CENPE: variants seen among roughly 807,000 people sequenced by gnomAD.
CENPE encodes the protein centromere-associated protein E.
A neutral mutation model predicts 336.1 loss-of-function variants in CENPE; 145 were observed. The observed-to-expected ratio is 0.43, with a 90% CI of 0.38 to 0.50. CENPE has a LOEUF of 0.50. CENPE is among the 20% of genes least tolerant of loss of function. The pLI, the probability that CENPE is intolerant of heterozygous loss-of-function variation, is 0.00. For synonymous variants in CENPE, 1,013 were observed against 984.8 expected, an observed-to-expected ratio of 1.03 and a Z score of -0.54; for missense variants, 2,719 against 3,023.3, an observed-to-expected ratio of 0.90 and a Z score of 2.36.
At chr4:103,163,094 A>G (rs1560648065) in intron 18 of CENPE, 43 bp downstream of exon 18, 1 of 1,548,986 alleles carries the variant, frequency 6.5e-7, no homozygotes, top group Non-Finnish European at 8.8e-7. Flanking sequence ...GGTATGCTAT[A>G]TATATTTATG....
chr4:103,152,300 A>G (rs1358960784), intron 25 of CENPE, among the ~76,000 whole-genome samples: 2 of 152,172 alleles, frequency 1.3e-5, no homozygotes, highest in Non-Finnish European at 2.9e-5. Flanking sequence ...TCATTAGGGA[A>G]AGGCAAATTA....
intron 8 of CENPE, among the ~76,000 whole-genome samples, chr4:103,187,434 A>G (rs1176903470): frequency 3.9e-5 from 6 of 152,226 alleles, no homozygotes; most frequent in African/African-American, 1.4e-4. Flanking sequence ...AGCCCATCAG[A>G]CTAACAGCTG....
chr4:103,144,944 C>T, intron 32 of CENPE, 106 bp downstream of exon 32: 1 of 1,035,726 alleles, frequency 9.7e-7, no homozygotes, highest in Non-Finnish European at 1.3e-6. Context: ...ATTTCCGGTC[C>T]CTTTATGATT....
chr4:103,125,927 A>G (rs557649534), intron 42 of CENPE, among the ~76,000 whole-genome samples: 1 of 152,206 alleles, frequency 6.6e-6, no homozygotes, highest in East Asian at 1.9e-4. Context: ...AAATGAAAAA[A>G]ATCCACAACT....
intron 8 of CENPE, 87 bp from the exon 9 acceptor site, chr4:103,185,948 G>A (rs1227272811): frequency 3.6e-6 from 3 of 840,918 alleles, no homozygotes; most frequent in Non-Finnish European, 5.9e-6. Flanking sequence ...TTAATACATG[G>A]TATATCTGAA....
In CENPE at chr4:103,145,949, T is replaced by C; in HGVS notation, c.4293A>G (p.Gln1431=). The part of the protein sequence containing the change: ...IEMLGLSKRL[Q]ESHDEMKSVA... ...CAGATTTCATTTCATCATGACTTTC[T>C]TGAAGTCTTTTGGACAATCCGAGCA... The change falls in exon 30 of 49, where the codon CAA becomes CAG. Residue 1431 remains glutamine (Q), a synonymous_variant. Transcript: ENST00000265148. 1 of 1,614,022 alleles carries C rather than the reference T, an allele frequency of 6.2e-7. No individual in the cohort carries two copies.
chr4:103,163,420 T>C, intron 17 of CENPE, 59 bp downstream of exon 17: 1 of 1,310,712 alleles, frequency 7.6e-7, no homozygotes, highest in Non-Finnish European at 1.1e-6. Flanking sequence ...CAGTTACATA[T>C]GTTGCATGTT....
Position 103,163,553 on chromosome 4 carries a change from T to A in CENPE, c.1648A>T (p.Met550Leu). 1.3e-6 allele frequency: 2 copies of A among 1,556,062 alleles called. No individual in the cohort carries two copies. Among genetic ancestry groups the A allele is most frequent in the African/African-American group, 1.4e-5 (1 of 70,856 alleles). Residue 550 changes from methionine to leucine, a missense_variant and splice_region_variant, in exon 17 of 49, where the codon ATG becomes TTG. Coordinates refer to ENST00000265148, the MANE Select transcript of CENPE (RefSeq NM_001813.3). ...LERKTKKDQE[M>L]QLIHEISNLK... ...TTCGAAATTTCATGAATTAGTTGCA[T>A]CTGTAAGAGCATGTGAACAGGTAAC...
chr4:103,193,647 G>A (rs958367763), intron 8 of CENPE, among the ~76,000 whole-genome samples: 4 of 152,046 alleles, frequency 2.6e-5, no homozygotes, highest in Admixed American at 1.3e-4. Context: ...GCATATATTC[G>A]CTTATTCAGC....
chr4:103,166,358 A>G (rs1246734943), intron 16 of CENPE, among the ~76,000 whole-genome samples: 2 of 152,148 alleles, frequency 1.3e-5, no homozygotes, highest in Non-Finnish European at 2.9e-5. Context: ...CACTCTAGAG[A>G]CCATGTTCTT....
At chr4:103,151,423 A>G in intron 25 of CENPE, 46 bp from the exon 26 acceptor site, 1 of 1,367,050 alleles carries the variant, frequency 7.3e-7, no homozygotes, top group East Asian at 2.5e-5. Flanking sequence ...ATTAGCTAAC[A>G]TTTATGAAAT....
intron 26 of CENPE, among the ~76,000 whole-genome samples, chr4:103,150,507 C>CA (rs1467560716): frequency 6.6e-6 from 1 of 151,812 alleles, no homozygotes; most frequent in Non-Finnish European, 1.5e-5. Flanking sequence ...AGCCTGAACC[C>CA]AGGGGGGGTT....
intron 14 of CENPE, 118 bp downstream of exon 14, chr4:103,176,781 C>A: frequency 1.4e-6 from 1 of 707,938 alleles, no homozygotes; most frequent in Non-Finnish European, 2.1e-6. Flanking sequence ...ATTGTAATCA[C>A]ATATGAAATA....
At chr4:103,170,713 G>A (rs1755328593) in intron 16 of CENPE, among the ~76,000 whole-genome samples, 2 of 152,138 alleles carry the variant, frequency 1.3e-5, no homozygotes, top group South Asian at 4.1e-4. Context: ...ACCTATCAAT[G>A]TAAATGGACT....
chr4:103,172,970 A>G (rs960601971), intron 16 of CENPE, among the ~76,000 whole-genome samples: 19 of 152,048 alleles, frequency 1.2e-4, no homozygotes, highest in Non-Finnish European at 2.1e-4. Context: ...ATCTATCAAA[A>G]CACCAAAGAC....
chr4:103,171,222 C>T (rs906790207), intron 16 of CENPE, among the ~76,000 whole-genome samples: 3 of 152,044 alleles, frequency 2.0e-5, no homozygotes, highest in Non-Finnish European at 4.4e-5. Flanking sequence ...CTGCAGAAAA[C>T]ACATTCTTAT....
At chr4:103,189,022 C>T (rs1373737387) in intron 8 of CENPE, among the ~76,000 whole-genome samples, 1 of 152,154 alleles carries the variant, frequency 6.6e-6, no homozygotes, top group Non-Finnish European at 1.5e-5. Context: ...CACCTCTATG[C>T]AAATAAACTA....
chr4:103,174,844 G>T lies in CENPE; in HGVS notation c.1539C>A (p.Asp513Glu). 6.5e-7 allele frequency: 1 copy of T among 1,533,504 alleles called. No homozygotes were observed. Among genetic ancestry groups the T allele is most frequent in the Non-Finnish European group, 8.8e-7 (1 of 1,140,622 alleles). The allele number at this position is 1,533,504 out of a possible 1,614,324, so 95.0% of individuals were successfully genotyped here. ...CTTTTTCTGTTCGTAGTTGTTCATA[G>T]TCTAATACCAGATTATCATAGTCAG... ...LRADYDNLVL[D>E]YEQLRTEKEE... The change falls in exon 16 of 49, where the codon GAC (aspartate) becomes GAA (glutamate). Residue 513 changes from aspartate to glutamate, a missense_variant. By Grantham distance (45) the Asp-to-Glu change is conservative. Around this residue, in one of 5 missense-constraint regions of CENPE, gnomAD observed 2,437 missense variants for 2,513.3 expected, o/e 0.97. Coordinates refer to ENST00000265148, the MANE Select transcript of CENPE (RefSeq NM_001813.3).
intron 8 of CENPE, among the ~76,000 whole-genome samples, chr4:103,188,249 T>C (rs1198083058): frequency 1.3e-5 from 2 of 152,128 alleles, no homozygotes; most frequent in East Asian, 1.9e-4. Flanking sequence ...GACAGAAAGT[T>C]AACAAAGATA....
Sources: gnomAD v4.1 joint callset for allele counts (sites outside exome capture counted in the v4.1 genomes callset) on GRCh38, gnomAD v4.1.1 for gene constraint, gnomAD v4.1.1 regional missense constraint, MANE v1.5 for transcripts, NCBI Gene and HGNC (gene_info 2026-07-23, HGNC 2026-07-21) for gene names.